The following NR3C2 variants were observed in gnomAD, a reference collection of about 807,000 sequenced individuals.
NR3C2 encodes nuclear receptor subfamily 3 group C member 2.
Under a neutral mutation model 86.4 loss-of-function variants are expected in NR3C2, and 15 were observed. The observed-to-expected ratio is 0.17, with a 90% CI of 0.12 to 0.27. The LOEUF (loss-of-function observed/expected upper bound fraction) is 0.27. Ranked by LOEUF, NR3C2 falls within the 10% of genes least tolerant of loss-of-function variation. The pLI is 1.00. For synonymous variants in NR3C2, 458 were observed against 450.5 expected, an observed-to-expected ratio of 1.02 and a Z score of -0.21; for missense variants, 960 against 1,195.6, an observed-to-expected ratio of 0.80 and a Z score of 2.91.
chr4:148,166,165 T>A (rs1239454043), intron 4 of NR3C2, among the ~76,000 whole-genome samples: 1 of 152,226 alleles, frequency 6.6e-6, no homozygotes, highest in Non-Finnish European at 1.5e-5. Context: ...ACAGACTGAA[T>A]TGGTCTGGAA....
chr4:148,138,249 TA>T (rs1733443092), intron 6 of NR3C2, among the ~76,000 whole-genome samples: 1 of 152,184 alleles, frequency 6.6e-6, no homozygotes, highest in East Asian at 1.9e-4. Flanking sequence ...ATTGAGCTCT[TA>T]AATACTGTCA....
At chr4:148,146,410 C>G (rs1733871725) in intron 6 of NR3C2, 1 of 152,574 alleles carries the variant, frequency 6.6e-6, no homozygotes, top group Non-Finnish European at 1.5e-5. Context: ...AGCCAGGCCT[C>G]CTGGAGCTTC....
Position 148,124,005 on chromosome 4 carries a change from G to A in NR3C2, c.2511-3717C>T, listed in dbSNP as rs138959151. Among the ~76,000 whole-genome samples, 293 of 152,310 alleles carry A rather than the reference G, an allele frequency of 1.9e-3. 1 individual carries two copies. Among genetic ancestry groups the A allele is most frequent in the African/African-American group, 6.7e-3 (280 of 41,564 alleles). On this transcript the variant is annotated intron_variant, in intron 6 of 8. Coordinates refer to ENST00000358102, the MANE Select transcript of NR3C2 (RefSeq NM_000901.5). The stretch of plus-strand genomic sequence containing the variant: ...TGTAATCCTAGCACTTTGGGAGACC[G>A]AGGCAGGCAGATCACCTGAGGTCAG...
chr4:148,263,340 C>G (rs781731867), intron 2 of NR3C2, among the ~76,000 whole-genome samples: 12 of 152,332 alleles, frequency 7.9e-5, no homozygotes, highest in Middle Eastern at 3.4e-3. Context: ...ACCTTGTACT[C>G]TTTCCTCAAC....
intron 1 of NR3C2, among the ~76,000 whole-genome samples, chr4:148,440,181 CACAA>C (rs1229213159): frequency 6.6e-6 from 1 of 152,204 alleles, no homozygotes. Context: ...ACGGCTTCTA[CACAA>C]ACATTTTTTT....
At chr4:148,128,365 T>C (rs1732850630) in intron 6 of NR3C2, among the ~76,000 whole-genome samples, 1 of 152,204 alleles carries the variant, frequency 6.6e-6, no homozygotes, top group Non-Finnish European at 1.5e-5. Context: ...AAGTAGTTGA[T>C]TTGAGAAATT....
At chr4:148,261,455 G>GGTGCACTATGGT (rs1387226458) in intron 2 of NR3C2, among the ~76,000 whole-genome samples, 1 of 152,160 alleles carries the variant, frequency 6.6e-6, no homozygotes, top group Non-Finnish European at 1.5e-5. Flanking sequence ...TCAGTGCTAT[G>GGTGCACTATGGT]GTGCACTATG....
At chr4:148,339,577 C>A (rs945938114) in intron 2 of NR3C2, among the ~76,000 whole-genome samples, 1 of 152,036 alleles carries the variant, frequency 6.6e-6, no homozygotes, top group Non-Finnish European at 1.5e-5. Context: ...TGCATAATTA[C>A]AACTTAAAAT....
chr4:148,178,594 T>C (rs1688797909), intron 4 of NR3C2, among the ~76,000 whole-genome samples: 1 of 151,486 alleles, frequency 6.6e-6, no homozygotes, highest in Non-Finnish European at 1.5e-5. Flanking sequence ...TTCTGAAAAA[T>C]TGGGTCAAAA....
chr4:148,331,586 A>G (rs1219526917), intron 2 of NR3C2, among the ~76,000 whole-genome samples: 1 of 152,274 alleles, frequency 6.6e-6, no homozygotes, highest in Non-Finnish European at 1.5e-5. Flanking sequence ...TTCTACACTT[A>G]TGTAAAAATT....
At chr4:148,271,090 T>C (rs182554660) in intron 2 of NR3C2, among the ~76,000 whole-genome samples, 13 of 152,314 alleles carry the variant, frequency 8.5e-5, no homozygotes, top group Admixed American at 8.5e-4. Flanking sequence ...AGCGCAAACA[T>C]TAAAGTATGG....
chr4:148,181,723 A>G (rs920449447), intron 4 of NR3C2, among the ~76,000 whole-genome samples: 2 of 152,212 alleles, frequency 1.3e-5, no homozygotes, highest in Non-Finnish European at 2.9e-5. Flanking sequence ...GCTTAGAGTC[A>G]AAGAACTGTT....
intron 2 of NR3C2, among the ~76,000 whole-genome samples, chr4:148,312,543 T>A (rs987140918): frequency 7.2e-5 from 11 of 152,188 alleles, no homozygotes; most frequent in Admixed American, 7.2e-4. Flanking sequence ...TAGTACAGTA[T>A]CTGGCACATA....
intron 3 of NR3C2, among the ~76,000 whole-genome samples, chr4:148,225,158 C>G (rs1483697189): frequency 6.6e-6 from 1 of 152,256 alleles, no homozygotes; most frequent in South Asian, 2.1e-4. Flanking sequence ...CCTGGCTTAA[C>G]TAGAATGCAG....
At chr4:148,130,530 T>C (rs546033377) in intron 6 of NR3C2, among the ~76,000 whole-genome samples, 4 of 152,338 alleles carry the variant, frequency 2.6e-5, no homozygotes, top group African/African-American at 9.6e-5. Context: ...GCTCTCATCA[T>C]TCTGAAGGTC....
chr4:148,435,377 T>C lies in NR3C2; in HGVS notation c.1484A>G (p.Gln495Arg), dbSNP rs1236042573. The stretch of plus-strand genomic sequence containing the variant: ...GTAATAGCTCCCATCATCTGGTTCT[T>C]GTTTAATACCCACTGGGAATCCGCT... Reference protein sequence around the residue: ...EGSGFPVGIKQEPDDGSYYPE... With the variant: ...EGSGFPVGIKREPDDGSYYPE... The change falls in exon 2 of 9, where the codon CAA (glutamine) becomes CGA (arginine). Residue 495 changes from glutamine (Q) to arginine (R), a missense_variant. Coordinates refer to ENST00000358102, the MANE Select transcript of NR3C2 (RefSeq NM_000901.5). The C allele has an allele frequency of 6.2e-7, 1 of 1,614,064 alleles. No individual in the cohort carries two copies. Among genetic ancestry groups the C allele is most frequent in the East Asian group, 2.2e-5 (1 of 44,884 alleles).
intron 2 of NR3C2, among the ~76,000 whole-genome samples, chr4:148,384,109 T>C (rs186406454): frequency 1.3e-5 from 2 of 152,226 alleles, no homozygotes; most frequent in East Asian, 3.9e-4. Flanking sequence ...AGACTCTACT[T>C]GGCATCTAGT....
At chr4:148,442,938 A>C (rs1750425112), upstream of NR3C2, 1 of 985,018 alleles carries the variant, frequency 1.0e-6, no homozygotes, top group Non-Finnish European at 1.2e-6. Flanking sequence ...TCGTCCCCTC[A>C]CGCTCTCCAC....
rs1395968755 is a variant in NR3C2 at position 148,406,252 on chromosome 4, TAAAC to T, written c.1757+28848_1757+28851del. Among the ~76,000 whole-genome samples, 8 of 152,064 alleles carry T rather than the reference TAAAC, an allele frequency of 5.3e-5. No individual in the cohort carries two copies. In the East Asian group the frequency reaches 5.8e-4, roughly 11 times the overall value. ...CATGCATTCTAGAAGGGAGGAGAGTTAAACAAGTAATAATAAAATAGCAGTACTA... is the reference window on the plus strand; with the variant it reads ...CATGCATTCTAGAAGGGAGGAGAGTTAAGTAATAATAAAATAGCAGTACTA... On this transcript the variant is annotated intron_variant, in intron 2 of 8. Transcript: ENST00000358102.
Sources: allele counts gnomAD v4.1 joint callset (sites outside exome capture counted in the v4.1 genomes callset), GRCh38; gene constraint gnomAD v4.1.1; transcripts MANE v1.5; gene names NCBI Gene and HGNC (gene_info 2026-07-23, HGNC 2026-07-21).